Variants in EIF4G3 observed in about 807,000 individuals in gnomAD.
The protein encoded by EIF4G3 is eIF-4-gamma 3.
Under a neutral mutation model 186.4 loss-of-function variants are expected in EIF4G3, and 34 were observed. That is an observed-to-expected ratio of 0.18 (90% CI 0.14 to 0.24). EIF4G3 has a LOEUF of 0.24. Ranked by LOEUF, EIF4G3 falls within the 10% of genes least tolerant of loss-of-function variation. The pLI is 1.00. For missense variants in EIF4G3, 1,536 were observed against 1,948.5 expected, an observed-to-expected ratio of 0.79 and a Z score of 3.99; for synonymous variants, 673 against 679.5, an observed-to-expected ratio of 0.99 and a Z score of 0.15.
chr1:21,067,760 G>T (rs1345311782), intron 3 of EIF4G3, among the ~76,000 whole-genome samples: 5 of 152,062 alleles, frequency 3.3e-5, no homozygotes, highest in Non-Finnish European at 7.4e-5. Flanking sequence ...CAGCACCACT[G>T]CAAGGGGAAA....
In EIF4G3 at chr1:21,111,121, T is replaced by A. The variant is rs542572975; in HGVS notation, c.-271-21908A>T. ...CTCTTATTAAATGAGACAATGAAAATTTAATTACATGGGCTATAAACTTAA... is the reference window on the plus strand; with the variant it reads ...CTCTTATTAAATGAGACAATGAAAAATTAATTACATGGGCTATAAACTTAA... On this transcript the variant is annotated intron_variant, in intron 2 of 36. Coordinates refer to ENST00000602326, the MANE Select transcript of EIF4G3 (RefSeq NM_001391906.1). Among the ~76,000 whole-genome samples, 6 of 152,254 alleles carry A rather than the reference T, an allele frequency of 3.9e-5. No individual in the cohort carries two copies. In the South Asian group the frequency reaches 1.0e-3, roughly 26 times the overall value.
chr1:20,871,315 G>A (rs1232465371), intron 20 of EIF4G3, among the ~76,000 whole-genome samples: 1 of 152,048 alleles, frequency 6.6e-6, no homozygotes, highest in African/African-American at 2.4e-5. Context: ...TGACATTTGG[G>A]GTAGGATAAT....
intron 19 of EIF4G3, 124 bp downstream of exon 19, chr1:20,886,077 T>C: frequency 2.5e-6 from 3 of 1,217,344 alleles, no homozygotes; most frequent in Non-Finnish European, 3.4e-6. Flanking sequence ...AATAATTCTT[T>C]TAATAGGAAA....
rs954122487 is a variant in EIF4G3 at position 20,856,741 on chromosome 1, G to A, written c.3339+662C>T. Among the ~76,000 whole-genome samples, 6 of 152,204 alleles carry A rather than the reference G, an allele frequency of 3.9e-5. No homozygotes were observed. The East Asian group carries it at 5.8e-4, about 15-fold the overall frequency. On this transcript the variant is annotated intron_variant, in intron 25 of 36. Transcript: ENST00000602326. ...TGATTGCTTTTTTCCCCAGAGCTACGGATACATTGTGTAAAAGCCTGCAAT... is the reference window on the plus strand; with the variant it reads ...TGATTGCTTTTTTCCCCAGAGCTACAGATACATTGTGTAAAAGCCTGCAAT...
intron 24 of EIF4G3, among the ~76,000 whole-genome samples, chr1:20,858,204 C>T (rs576575585): frequency 4.6e-5 from 7 of 152,242 alleles, no homozygotes; most frequent in African/African-American, 7.2e-5. Flanking sequence ...CTTCTGATAC[C>T]TTTCTGTCTC....
intron 2 of EIF4G3, among the ~76,000 whole-genome samples, chr1:21,156,144 AC>A (rs1391238663): frequency 6.8e-6 from 1 of 147,322 alleles, no homozygotes; most frequent in African/African-American, 2.5e-5. Context: ...AAAAAAAACA[AC>A]AAAAAAAAAC....
At chr1:20,897,204 A>C (rs2088517613) in intron 16 of EIF4G3, among the ~76,000 whole-genome samples, 1 of 152,242 alleles carries the variant, frequency 6.6e-6, no homozygotes, top group Non-Finnish European at 1.5e-5. Context: ...GAGTAGTAAA[A>C]TAATCTAAAG....
At chr1:21,072,968 A>T (rs1235921333) in intron 3 of EIF4G3, among the ~76,000 whole-genome samples, 2 of 152,148 alleles carry the variant, frequency 1.3e-5, no homozygotes, top group African/African-American at 4.8e-5. Flanking sequence ...GATCAGCACT[A>T]TTATTATCTC....
intron 14 of EIF4G3, among the ~76,000 whole-genome samples, chr1:20,938,078 C>A (rs574627219): frequency 6.6e-6 from 1 of 152,064 alleles, no homozygotes; most frequent in South Asian, 2.1e-4. Context: ...ATCACTGCAG[C>A]CTCCATCTCC....
intron 3 of EIF4G3, among the ~76,000 whole-genome samples, chr1:21,084,925 G>A (rs2095910500): frequency 6.6e-6 from 1 of 152,022 alleles, no homozygotes; most frequent in African/African-American, 2.4e-5. Flanking sequence ...CTGAGGGTCT[G>A]TGTTGCTCCA....
intron 29 of EIF4G3, among the ~76,000 whole-genome samples, chr1:20,842,780 T>C (rs995812926): frequency 2.6e-5 from 4 of 152,166 alleles, no homozygotes; most frequent in South Asian, 2.1e-4. Flanking sequence ...ATCCTTCTTA[T>C]TTCCAACTTC....
At chr1:20,925,177 C>A (rs540711194) in intron 14 of EIF4G3, among the ~76,000 whole-genome samples, 1 of 152,030 alleles carries the variant, frequency 6.6e-6, no homozygotes, top group Non-Finnish European at 1.5e-5. Context: ...CTGTTTTACA[C>A]CTTGGTATGG....
chr1:20,857,316 C>T (rs1050023563), intron 25 of EIF4G3, 87 bp downstream of exon 25: 3 of 1,105,452 alleles, frequency 2.7e-6, no homozygotes, highest in Non-Finnish European at 4.1e-6. Context: ...CGTTTTGCAA[C>T]TATTGTAAAT....
chr1:21,008,692 G>GAAGA (rs762019358), intron 4 of EIF4G3, among the ~76,000 whole-genome samples: 5 of 152,140 alleles, frequency 3.3e-5, no homozygotes, highest in Non-Finnish European at 5.9e-5. Context: ...ATAGATGTAA[G>GAAGA]AAGCACTTAC....
At chr1:20,934,678 G>A (rs2095460166) in intron 14 of EIF4G3, among the ~76,000 whole-genome samples, 1 of 151,990 alleles carries the variant, frequency 6.6e-6, no homozygotes, top group Non-Finnish European at 1.5e-5. Context: ...CACTGTAAGT[G>A]GTGTGATCTT....
chr1:21,162,653 CAGG>C (rs1185773088), intron 2 of EIF4G3, among the ~76,000 whole-genome samples: 1 of 151,962 alleles, frequency 6.6e-6, no homozygotes, highest in Non-Finnish European at 1.5e-5. Flanking sequence ...TGAGGAAGGA[CAGG>C]AGAATTGCTT....
chr1:20,901,800 T>C (rs902955176), intron 15 of EIF4G3, among the ~76,000 whole-genome samples: 7 of 152,150 alleles, frequency 4.6e-5, no homozygotes, highest in African/African-American at 1.2e-4. Flanking sequence ...AGTTCCTAAA[T>C]TGTTTATGCA....
intron 33 of EIF4G3, among the ~76,000 whole-genome samples, chr1:20,820,857 GA>G (rs1207056461): frequency 6.6e-6 from 1 of 151,996 alleles, no homozygotes; most frequent in African/African-American, 2.4e-5. Flanking sequence ...GAGACCTGCA[GA>G]AATGTCCAAA....
At chr1:21,024,411 T>A (rs1428141811) in intron 4 of EIF4G3, among the ~76,000 whole-genome samples, 1 of 151,454 alleles carries the variant, frequency 6.6e-6, no homozygotes, top group East Asian at 1.9e-4. Context: ...TCATTGAGAA[T>A]GGGCCAGGAT....
Sources: allele counts gnomAD v4.1 joint callset (sites outside exome capture counted in the v4.1 genomes callset), GRCh38; gene constraint gnomAD v4.1.1; transcripts MANE v1.5; gene names NCBI Gene and HGNC (gene_info 2026-07-23, HGNC 2026-07-21).